The following OLFM2 variants were observed in gnomAD, a reference collection of about 807,000 sequenced individuals.
OLFM2 encodes olfactomedin 2.
In OLFM2, 20 loss-of-function variants were observed where a neutral mutation model predicts 43.9. The ratio of observed to expected loss-of-function variants is 0.46; its 90% CI spans 0.32 to 0.66. The LOEUF is 0.66. Among genes scored for constraint, OLFM2 ranks in the 30% least tolerant of loss-of-function variants. OLFM2 has a pLI of 0.04. For synonymous variants in OLFM2, 268 were observed against 278.6 expected, an observed-to-expected ratio of 0.96 and a Z score of 0.38; for missense variants, 416 against 643.6, an observed-to-expected ratio of 0.65 and a Z score of 3.83.
Position 9,853,976 on chromosome 19 carries a change from T to G in OLFM2, c.*210A>C. 1.7e-6 allele frequency: 1 copy of G among 580,158 alleles called. No individual in the cohort carries two copies. The allele number at this position is 580,158 out of a possible 1,614,324, so 35.9% of individuals were successfully genotyped here. A position where few individuals can be genotyped will look rare whatever the true frequency, so the allele number is the denominator to read the frequency against. On this transcript the variant is annotated 3_prime_UTR_variant, in exon 6 of 6. Coordinates refer to ENST00000264833, the MANE Select transcript of OLFM2 (RefSeq NM_058164.4). ...TAAAAAGGCAGAAAGAAAGAAGTGG[T>G]GTATTAAAAGCAGAGATCAATAAAG...
chr19:9,871,075 G>A (rs1342688976), intron 1 of OLFM2, among the ~76,000 whole-genome samples: 1 of 152,006 alleles, frequency 6.6e-6, no homozygotes, highest in Non-Finnish European at 1.5e-5. Flanking sequence ...TTCGAGACCA[G>A]CCTGGCCAAC....
At chr19:9,921,895 A>G (rs985983518) in intron 1 of OLFM2, among the ~76,000 whole-genome samples, 1 of 152,074 alleles carries the variant, frequency 6.6e-6, no homozygotes, top group Non-Finnish European at 1.5e-5. Context: ...GGAATTTGAG[A>G]CCAGCCTGGG....
Position 9,857,790 on chromosome 19 carries a change from G to T in OLFM2, c.285C>A (p.Gly95=), listed in dbSNP as rs780145193. 3 of 1,614,012 alleles carry T rather than the reference G, an allele frequency of 1.9e-6. No individual in the cohort carries two copies. The Admixed American group carries it at 5.0e-5, about 27-fold the overall frequency. ...RTYRDLQYVR[G]METLMRSLDA... ...CCAGGCTCCGCATGAGGGTCTCCAT[G>T]CCGCGTACATACTGGAGGTCGCGAT... Residue 95 remains glycine (G), a synonymous_variant, in exon 3 of 6, where the codon GGC becomes GGA. Coordinates refer to ENST00000264833, the MANE Select transcript of OLFM2 (RefSeq NM_058164.4). This position sits in a 1 kb window ranked among gnomAD's most constrained non-coding sequence, Gnocchi z 5.7.
chr19:9,918,892 A>AC (rs1488700405), intron 1 of OLFM2, among the ~76,000 whole-genome samples: 1 of 152,182 alleles, frequency 6.6e-6, no homozygotes, highest in Non-Finnish European at 1.5e-5. Context: ...GCAAATGGGC[A>AC]CGGGGGCTGT....
At chr19:9,880,664 G>A (rs992916452) in intron 1 of OLFM2, among the ~76,000 whole-genome samples, 10 of 152,182 alleles carry the variant, frequency 6.6e-5, no homozygotes, top group Middle Eastern at 3.4e-3. Context: ...AAAAGACCAC[G>A]TGAAGATACA....
intron 1 of OLFM2, among the ~76,000 whole-genome samples, chr19:9,919,176 C>CTTTTTTTTTTTTTT (rs36124685): frequency 1.3e-5 from 2 of 149,178 alleles, no homozygotes; most frequent in African/African-American, 5.0e-5. Flanking sequence ...ATTTCTCTCT[C>CTTTTTTTTTTTTTT]TTTTTTTTGA....
Position 9,884,541 on chromosome 19 carries a change from CACTCCA to C in OLFM2, c.64-23753_64-23748del, listed in dbSNP as rs2046569536. Among the ~76,000 whole-genome samples, 3 of 152,252 alleles carry C rather than the reference CACTCCA, an allele frequency of 2.0e-5. No individual in the cohort carries two copies. The South Asian group carries it at 6.2e-4, about 32-fold the overall frequency. On this transcript the variant is annotated intron_variant, in intron 1 of 5. Transcript: ENST00000264833. ...GCACTGAGCCGAGATTGTGCCAGTG[CACTCCA>C]GCCCCAGGTCTATGGGACTGTAGAG...
At chr19:9,885,038 A>G (rs1263663626) in intron 1 of OLFM2, among the ~76,000 whole-genome samples, 2 of 152,178 alleles carry the variant, frequency 1.3e-5, no homozygotes, top group South Asian at 2.1e-4. Flanking sequence ...TCATGGAGTC[A>G]AAGGTAGTTG....
At chr19:9,861,054 TCA>T (rs2046362583) in intron 1 of OLFM2, among the ~76,000 whole-genome samples, 1 of 152,098 alleles carries the variant, frequency 6.6e-6, no homozygotes, top group African/African-American at 2.4e-5. Context: ...ATTCATTCTC[TCA>T]CACAGATTTG....
At position 9,908,767 on chromosome 19, in the gene OLFM2, G is replaced by A. The variant is rs572056186; in HGVS notation, c.63+27537C>T. On this transcript the variant is annotated intron_variant, in intron 1 of 5. Transcript: ENST00000264833. ...ACTGGGATTACAGGTGTGAGCCACC[G>A]GGTTTCACCATGTTGGCCAGGCTGG... 1.2e-3 allele frequency among the ~76,000 whole-genome samples: 176 copies of A among 152,080 alleles called. 1 individual carries two copies. Among genetic ancestry groups the A allele is most frequent in the African/African-American group, 4.0e-3 (166 of 41,510 alleles).
chr19:9,898,982 A>C (rs1030393221), intron 1 of OLFM2, among the ~76,000 whole-genome samples: 3 of 152,192 alleles, frequency 2.0e-5, no homozygotes, highest in African/African-American at 7.2e-5. Flanking sequence ...CAAATCGTCC[A>C]GCAGCTTCTC....
intron 1 of OLFM2, chr19:9,913,590 C>A: frequency 7.7e-7 from 1 of 1,307,174 alleles, no homozygotes; most frequent in African/African-American, 1.6e-5. Flanking sequence ...CTCAGCACGG[C>A]CCCGATCTTG....
rs143548206 is a variant in OLFM2, at chr19:9,899,065, G to A, written c.63+37239C>T. 7.1e-3 allele frequency among the ~76,000 whole-genome samples: 1,083 copies of A among 152,196 alleles called. 44 individuals are homozygous for A. In the South Asian group the frequency reaches 0.099, roughly 14 times the overall value. Reference sequence around the variant, plus strand: ...GGATCACTTGAGGTCAGGAGTTCGAGACCAGCCCAGCCAACATGGCAAAAC... The same window carrying A: ...GGATCACTTGAGGTCAGGAGTTCGAAACCAGCCCAGCCAACATGGCAAAAC... On this transcript the variant is annotated intron_variant, in intron 1 of 5. Transcript: ENST00000264833.
intron 1 of OLFM2, among the ~76,000 whole-genome samples, chr19:9,889,742 C>A (rs1289350822): frequency 6.6e-6 from 1 of 152,096 alleles, no homozygotes; most frequent in African/African-American, 2.4e-5. Context: ...TGCGCCAATG[C>A]ACTGGCGGAT....
intron 1 of OLFM2, among the ~76,000 whole-genome samples, chr19:9,893,193 C>G (rs1169333333): frequency 6.7e-6 from 1 of 149,596 alleles, no homozygotes; most frequent in Non-Finnish European, 1.5e-5. Context: ...GAGACAGAGT[C>G]TCGCTCTGTT....
intron 1 of OLFM2, among the ~76,000 whole-genome samples, chr19:9,890,531 T>C (rs911971758): frequency 1.2e-4 from 19 of 152,240 alleles, no homozygotes; most frequent in Non-Finnish European, 2.4e-4. Flanking sequence ...TCAACAGAAC[T>C]GTTGACACAT....
chr19:9,929,865 C>T (rs780704858), intron 1 of OLFM2, among the ~76,000 whole-genome samples: 2 of 151,952 alleles, frequency 1.3e-5, no homozygotes, highest in Non-Finnish European at 2.9e-5. Context: ...CATGGAGAAC[C>T]CTCGTCTCTA....
chr19:9,934,028 C>T (rs1232282314), intron 1 of OLFM2, among the ~76,000 whole-genome samples: 2 of 152,074 alleles, frequency 1.3e-5, no homozygotes, highest in South Asian at 4.1e-4. Flanking sequence ...TGGCTGTATC[C>T]CCAGTGCATA....
chr19:9,893,741 G>A (rs1197039357), intron 1 of OLFM2, among the ~76,000 whole-genome samples: 1 of 152,156 alleles, frequency 6.6e-6, no homozygotes, highest in Non-Finnish European at 1.5e-5. Context: ...ATTAATGAGG[G>A]TAAGGGGATT....
Sources: gnomAD v4.1 joint callset for allele counts (sites outside exome capture counted in the v4.1 genomes callset) on GRCh38, gnomAD v4.1.1 for gene constraint, Gnocchi (gnomAD v3.1) non-coding constraint, MANE v1.5 for transcripts, NCBI Gene and HGNC (gene_info 2026-07-23, HGNC 2026-07-21) for gene names.